B4GALT7: variants seen among roughly 807,000 people sequenced by gnomAD.
B4GALT7 encodes the protein UDP-Gal:beta-GlcNAc beta-1,4-galactosyltransferase 7.
Under a neutral mutation model 33.0 loss-of-function variants are expected in B4GALT7, and 30 were observed. That is an observed-to-expected ratio of 0.91 (90% CI 0.68 to 1.23). The LOEUF (loss-of-function observed/expected upper bound fraction) is 1.23. Among genes scored for constraint, B4GALT7 ranks in the 50% most tolerant of loss-of-function variants. B4GALT7 has a pLI of 0.00. For missense variants in B4GALT7, 507 were observed against 450.8 expected (o/e 1.12, Z -1.13); for synonymous variants, 213 against 187.2 (o/e 1.14, Z -1.13).
At chr5:177,604,835 G>A (rs951115826) in intron 2 of B4GALT7, among the ~76,000 whole-genome samples, 3 of 152,140 alleles carry the variant, frequency 2.0e-5, no homozygotes, top group African/African-American at 7.2e-5. Flanking sequence ...CTGGTGGGGG[G>A]TGGGTAGAGA....
Position 177,609,734 on chromosome 5 carries a change from T to C in B4GALT7, c.*39T>C, listed in dbSNP as rs1478416695. 1.8e-5 allele frequency: 28 copies of C among 1,564,282 alleles called. No homozygotes were observed. The highest frequency in any genetic ancestry group is 2.7e-5 in the African/African-American group (2 of 73,586). On this transcript the variant is annotated 3_prime_UTR_variant, in exon 6 of 6. Transcript: ENST00000029410. The stretch of plus-strand genomic sequence containing the variant: ...TGAGGAAGCCTGTACCTACAGGCCA[T>C]ATTGCTCAGGCTCAGGACAAGGCCT...
At chr5:177,604,731 G>C (rs890552693) in intron 2 of B4GALT7, among the ~76,000 whole-genome samples, 190 bp downstream of exon 2, 2 of 152,180 alleles carry the variant, frequency 1.3e-5, no homozygotes, top group African/African-American at 4.8e-5. Context: ...TGTGGCTGCC[G>C]TATGTGGAAT....
At chr5:177,601,182 A>G (rs1369750228) in intron 1 of B4GALT7, among the ~76,000 whole-genome samples, 1 of 152,102 alleles carries the variant, frequency 6.6e-6, no homozygotes, top group Non-Finnish European at 1.5e-5. Context: ...CTTGGTGTTG[A>G]AAGGGGAAAA....
intron 1 of B4GALT7, 45 bp from the exon 2 acceptor site, chr5:177,604,134 C>G (rs776314218): frequency 4.3e-6 from 7 of 1,611,584 alleles, no homozygotes; most frequent in Non-Finnish European, 5.9e-6. Context: ...TGTCACAGGG[C>G]CAGCCCTGCC....
chr5:177,604,671 A>G, intron 2 of B4GALT7, 130 bp downstream of exon 2: 1 of 1,253,908 alleles, frequency 8.0e-7, no homozygotes, highest in Non-Finnish European at 1.1e-6. Context: ...TGGGTGTGAC[A>G]GGAACCTTTG....
intron 3 of B4GALT7, 146 bp downstream of exon 3, chr5:177,607,673 G>A (rs1326489645): frequency 8.9e-6 from 7 of 783,662 alleles, no homozygotes; most frequent in East Asian, 2.7e-5. Flanking sequence ...GCCAGAGTGC[G>A]AAGAGCAGGC....
rs776685514 is a variant in B4GALT7 at position 177,606,128 on chromosome 5, A to C, written c.414-1174A>C. 2.0e-5 allele frequency: 3 copies of C among 150,334 alleles called. No individual in the cohort carries two copies. The highest frequency in any genetic ancestry group is 2.5e-5 in the African/African-American group (1 of 40,750). The allele number at this position is 150,334 out of a possible 1,614,324, so 9.3% of individuals were successfully genotyped here. A position where few individuals can be genotyped will look rare whatever the true frequency, so the allele number is the denominator to read the frequency against. On this transcript the variant is annotated intron_variant, in intron 2 of 5. Transcript: ENST00000029410. This position sits in a 1 kb window ranked among gnomAD's most constrained non-coding sequence, Gnocchi z 4.2. ...GTGCTTCGGCAGCCCCCCTTTTTTA[A>C]CTCCAGGTGTTCCTTGGGGCATCTC...
Position 177,608,898 on chromosome 5 carries a change from G to C in B4GALT7, c.724-12G>C. On this transcript the variant is annotated splice_polypyrimidine_tract_variant and intron_variant, in intron 4 of 5. Coordinates refer to ENST00000029410, the MANE Select transcript of B4GALT7 (RefSeq NM_007255.3). This position sits in a 1 kb window ranked among gnomAD's most constrained non-coding sequence, Gnocchi z 4.1. ...AGGGCAGCCTGACCCCGACTTCCTT[G>C]GACCTCCCTAGCTTTTCCGCCCCTC... is the stretch of plus-strand genomic sequence containing the variant. 6.2e-7 allele frequency: 1 copy of C among 1,610,900 alleles called. No homozygotes were observed. The highest frequency in any genetic ancestry group is 8.5e-7 in the Non-Finnish European group (1 of 1,177,784).
At chr5:177,602,970 C>G (rs1007040422) in intron 1 of B4GALT7, 2 of 513,640 alleles carry the variant, frequency 3.9e-6, no homozygotes, top group African/African-American at 4.2e-5. Context: ...GCAACCTCCG[C>G]CTCCCAGATT....
In B4GALT7 at chr5:177,608,761, A is replaced by G; in HGVS notation, c.723+139A>G. The G allele has an allele frequency of 9.0e-7, 1 of 1,113,916 alleles. No individual in the cohort carries two copies. The highest frequency in any genetic ancestry group is 1.3e-6 in the Non-Finnish European group (1 of 748,346). The allele number at this position is 1,113,916 out of a possible 1,614,324, so 69.0% of individuals were successfully genotyped here. On this transcript the variant is annotated intron_variant, in intron 4 of 5. Coordinates refer to ENST00000029410, the MANE Select transcript of B4GALT7 (RefSeq NM_007255.3). This position sits in a 1 kb window ranked among gnomAD's most constrained non-coding sequence, Gnocchi z 4.1. ...TGCCCTAACCCTGCCCTGCATGGTC[A>G]TCTAGCCAGTTCCTTGCCCTGTGGG...
At chr5:177,607,670 T>A (rs1581995547) in intron 3 of B4GALT7, 143 bp downstream of exon 3, 4 of 804,628 alleles carry the variant, frequency 5.0e-6, no homozygotes, top group Non-Finnish European at 7.9e-6. Flanking sequence ...GCAGCCAGAG[T>A]GCGAAGAGCA....
At position 177,600,148 on chromosome 5, in the gene B4GALT7, C is replaced by A; in HGVS notation, c.-63C>A. On this transcript the variant is annotated 5_prime_UTR_variant, in exon 1 of 6. Transcript: ENST00000029410. The surrounding 1 kb of genome is among the most constrained non-coding windows in gnomAD (Gnocchi z 4.4). ...GCGGGAGGCGGAGGCGCCGCGTAGG[C>A]CCGGGAGGCCGGGCCGGCCGGGCTG... 1.7e-6 allele frequency: 2 copies of A among 1,183,216 alleles called. No individual in the cohort carries two copies. The highest frequency in any genetic ancestry group is 2.1e-6 in the Non-Finnish European group (2 of 950,068). The allele number at this position is 1,183,216 out of a possible 1,614,324, so 73.3% of individuals were successfully genotyped here. A position where few individuals can be genotyped will look rare whatever the true frequency, so the allele number is the denominator to read the frequency against.
chr5:177,609,761 A>C lies in B4GALT7; in HGVS notation c.*66A>C. The C allele has an allele frequency of 1.9e-6, 3 of 1,543,584 alleles. No individual in the cohort carries two copies. The highest frequency in any genetic ancestry group is 2.6e-6 in the Non-Finnish European group (3 of 1,141,168). ...TTGCTCAGGCTCAGGACAAGGCCTC[A>C]GGTCGTGGGCCCAGCTCTGACAGGA... On this transcript the variant is annotated 3_prime_UTR_variant, in exon 6 of 6. Coordinates refer to ENST00000029410, the MANE Select transcript of B4GALT7 (RefSeq NM_007255.3).
chr5:177,600,698 G>A lies in B4GALT7; in HGVS notation c.50+438G>A, dbSNP rs974193931. Among the ~76,000 whole-genome samples the A allele has an allele frequency of 2.0e-5, 3 of 152,046 alleles. No homozygotes were observed. Among genetic ancestry groups the A allele is most frequent in the Non-Finnish European group, 2.9e-5 (2 of 68,026 alleles). ...TCTCAATTTGTCTCTGATCCCTGAG[G>A]ACGTGTATTCCGTTTCTCTGGTCTC... is the stretch of plus-strand genomic sequence containing the variant. On this transcript the variant is annotated intron_variant, in intron 1 of 5. Transcript: ENST00000029410. The surrounding 1 kb of genome is among the most constrained non-coding windows in gnomAD (Gnocchi z 4.4).
chr5:177,605,046 T>C (rs1318788587), intron 2 of B4GALT7: 1 of 455,828 alleles, frequency 2.2e-6, no homozygotes, highest in South Asian at 1.5e-5. Context: ...TCCCTCTAGG[T>C]AACTCCCACT....
At chr5:177,607,227 ACC>A (rs1768039155) in intron 2 of B4GALT7, 73 bp from the exon 3 acceptor site, 1 of 1,334,516 alleles carries the variant, frequency 7.5e-7, no homozygotes, top group Non-Finnish European at 1.0e-6. Flanking sequence ...CACCATGGGG[ACC>A]CCCGGGTGGG....
chr5:177,605,133 C>G (rs538010270), intron 2 of B4GALT7: 2 of 416,150 alleles, frequency 4.8e-6, no homozygotes, highest in African/African-American at 2.0e-5. Flanking sequence ...CCCAGACCCC[C>G]CCCTTTTCCC....
In B4GALT7 at chr5:177,609,588, C is replaced by T; in HGVS notation, c.877C>T (p.His293Tyr). The T allele has an allele frequency of 6.2e-7, 1 of 1,613,886 alleles. No individual in the cohort carries two copies. Among genetic ancestry groups the T allele is most frequent in the Non-Finnish European group, 8.5e-7 (1 of 1,180,028 alleles). Residue 293 changes from histidine to tyrosine, a missense_variant, in exon 6 of 6, where the codon CAT becomes TAT. Coordinates refer to ENST00000029410, the MANE Select transcript of B4GALT7 (RefSeq NM_007255.3). Reference sequence around the variant, plus strand: ...GGGAGGCCTGAACACTGTGAAGTACCATGTGGCTTCCCGCACTGCCCTGTC... The same window carrying T: ...GGGAGGCCTGAACACTGTGAAGTACTATGTGGCTTCCCGCACTGCCCTGTC... ...REGGLNTVKY[H>Y]VASRTALSVG...
chr5:177,607,700 G>T, intron 3 of B4GALT7, 173 bp downstream of exon 3: 1 of 664,450 alleles, frequency 1.5e-6, no homozygotes, highest in Non-Finnish European at 2.6e-6. Flanking sequence ...GTCAGCCGCA[G>T]CAGCAGAACT....
Sources: gnomAD v4.1 joint callset for allele counts (sites outside exome capture counted in the v4.1 genomes callset) on GRCh38, gnomAD v4.1.1 for gene constraint, Gnocchi (gnomAD v3.1) non-coding constraint, MANE v1.5 for transcripts, NCBI Gene and HGNC (gene_info 2026-07-23, HGNC 2026-07-21) for gene names.